Variants in KITLG observed in about 807,000 individuals in gnomAD.
KITLG encodes the protein c-Kit ligand.
Under a neutral mutation model 34.1 loss-of-function variants are expected in KITLG, and 13 were observed. The ratio of observed to expected loss-of-function variants is 0.38; its 90% CI spans 0.25 to 0.61. The LOEUF (loss-of-function observed/expected upper bound fraction) is 0.61. Ranked by LOEUF, KITLG falls within the 20% of genes least tolerant of loss-of-function variation. KITLG has a pLI of 0.60. For missense variants in KITLG, 292 were observed against 318.9 expected (o/e 0.92, Z 0.64); for synonymous variants, 110 against 104.0 (o/e 1.06, Z -0.35).
At chr12:88,518,676 T>A (rs201969714) in intron 4 of KITLG, 21 bp downstream of exon 4, 2 of 1,598,282 alleles carry the variant, frequency 1.3e-6, no homozygotes, top group African/African-American at 1.3e-5. Context: ...TGAAAAATAA[T>A]CCCAATGAAC....
intron 3 of KITLG, among the ~76,000 whole-genome samples, chr12:88,519,281 A>G (rs1369473550): frequency 6.6e-5 from 10 of 152,196 alleles, no homozygotes; most frequent in Non-Finnish European, 8.8e-5. Context: ...TAATAGGAGG[A>G]GGGACTCTTG....
chr12:88,523,043 A>G (rs573935394), intron 3 of KITLG, among the ~76,000 whole-genome samples: 1 of 152,316 alleles, frequency 6.6e-6, no homozygotes, highest in South Asian at 2.1e-4. Context: ...TGATTAATCT[A>G]AATACCAGCA....
At chr12:88,559,465 G>A (rs951745521) in intron 1 of KITLG, among the ~76,000 whole-genome samples, 2 of 152,194 alleles carry the variant, frequency 1.3e-5, no homozygotes, top group South Asian at 2.1e-4. Context: ...TGTTCTGGAA[G>A]CTCAGCTTGC....
chr12:88,515,630 C>T lies in KITLG; in HGVS notation c.521-13G>A, dbSNP rs765072216. 13 of 1,582,436 alleles carry T rather than the reference C, an allele frequency of 8.2e-6. No individual in the cohort carries two copies. The highest frequency in any genetic ancestry group is 9.5e-6 in the Non-Finnish European group (11 of 1,152,234). ...CTGACTCTGGAATCTAAATAGAAAG[C>T]AATAATGTGTCAGTGTTATATGGTG... On this transcript the variant is annotated splice_polypyrimidine_tract_variant and intron_variant, in intron 5 of 9. Coordinates refer to ENST00000644744, the MANE Select transcript of KITLG (RefSeq NM_000899.5).
At chr12:88,553,905 C>T (rs1871009342) in intron 1 of KITLG, among the ~76,000 whole-genome samples, 1 of 152,116 alleles carries the variant, frequency 6.6e-6, no homozygotes, top group African/African-American at 2.4e-5. Context: ...TTAAAGAAGT[C>T]TGGGGTGGGA....
chr12:88,522,717 C>T (rs1052495497), intron 3 of KITLG, among the ~76,000 whole-genome samples: 3 of 151,990 alleles, frequency 2.0e-5, no homozygotes, highest in Admixed American at 6.6e-5. Context: ...AGTGAGCCAC[C>T]GCGCCCACCC....
intron 7 of KITLG, 121 bp from the exon 8 acceptor site, chr12:88,506,499 T>C: frequency 2.7e-6 from 2 of 752,982 alleles, no homozygotes; most frequent in Non-Finnish European, 4.8e-6. Context: ...TTTTTCAGCA[T>C]GTAGCATGCA....
intron 3 of KITLG, among the ~76,000 whole-genome samples, chr12:88,521,565 A>T (rs1420297169): frequency 6.6e-6 from 1 of 152,150 alleles, no homozygotes; most frequent in Non-Finnish European, 1.5e-5. Context: ...TTACTCAATG[A>T]TATTCATTAG....
intron 2 of KITLG, among the ~76,000 whole-genome samples, chr12:88,534,242 T>A (rs1870218932): frequency 6.6e-6 from 1 of 152,154 alleles, no homozygotes; most frequent in African/African-American, 2.4e-5. Context: ...GAGCCTCCCT[T>A]GTCTCTTAGC....
intron 1 of KITLG, among the ~76,000 whole-genome samples, chr12:88,559,584 C>A (rs1871229851): frequency 6.6e-6 from 1 of 152,028 alleles, no homozygotes; most frequent in Non-Finnish European, 1.5e-5. Context: ...ACTATATTGT[C>A]CAAAATTAAA....
chr12:88,567,936 A>G (rs10777129), intron 1 of KITLG, among the ~76,000 whole-genome samples: 114,007 of 152,192 alleles, frequency 0.75, 47,744 homozygotes, highest in Middle Eastern at 0.93. Flanking sequence ...ATTCATGATC[A>G]TACTATACAA....
At chr12:88,534,728 T>C (rs1366018321) in intron 2 of KITLG, 2 of 512,852 alleles carry the variant, frequency 3.9e-6, no homozygotes, top group African/African-American at 1.9e-5. Context: ...TGTTCATTTA[T>C]TTTTGGCGTT....
At chr12:88,501,496 T>A (rs1868854177) in intron 9 of KITLG, among the ~76,000 whole-genome samples, 1 of 152,212 alleles carries the variant, frequency 6.6e-6, no homozygotes, top group South Asian at 2.1e-4. Context: ...TCACAGTTTG[T>A]TCTCCCAGAC....
At chr12:88,511,949 G>A (rs913609047) in intron 6 of KITLG, among the ~76,000 whole-genome samples, 5 of 152,044 alleles carry the variant, frequency 3.3e-5, no homozygotes, top group African/African-American at 9.7e-5. Context: ...CTAAAGAAAC[G>A]CTATAGAATC....
chr12:88,553,439 A>AT (rs1282436821), intron 1 of KITLG, among the ~76,000 whole-genome samples: 33 of 146,796 alleles, frequency 2.2e-4, no homozygotes, highest in Admixed American at 1.4e-3. Flanking sequence ...GTAATCATCT[A>AT]TTTTTTTTTT....
intron 3 of KITLG, among the ~76,000 whole-genome samples, chr12:88,524,765 A>G (rs560223910): frequency 3.3e-5 from 5 of 152,338 alleles, no homozygotes; most frequent in African/African-American, 1.2e-4. Flanking sequence ...TACTTAAAAT[A>G]GCATTTAATG....
rs1868568579 is a variant in KITLG, at chr12:88,494,897, A to G, written c.*2322T>C. The G allele has an allele frequency of 6.6e-6, 1 of 152,054 alleles. No homozygotes were observed. The allele number at this position is 152,054 out of a possible 1,614,324, so 9.4% of individuals were successfully genotyped here. ...GGATAAAATAAGCAAAGATAAATAT[A>G]TATTTTCATCTCAAAGCAGAAATAA... On this transcript the variant is annotated 3_prime_UTR_variant, in exon 10 of 10. Coordinates refer to ENST00000644744, the MANE Select transcript of KITLG (RefSeq NM_000899.5).
chr12:88,528,213 T>C (rs1257247044), intron 3 of KITLG, among the ~76,000 whole-genome samples: 2 of 152,206 alleles, frequency 1.3e-5, no homozygotes, highest in Non-Finnish European at 2.9e-5. Flanking sequence ...CTTCCATCTT[T>C]GAAGCCAGCA....
intron 1 of KITLG, among the ~76,000 whole-genome samples, chr12:88,570,081 T>C (rs982676498): frequency 1.3e-5 from 2 of 152,218 alleles, no homozygotes; most frequent in African/African-American, 4.8e-5. Context: ...ATAAAAGTAC[T>C]TTCTGAAGTA....
Sources: allele counts gnomAD v4.1 joint callset (sites outside exome capture counted in the v4.1 genomes callset), GRCh38; gene constraint gnomAD v4.1.1; transcripts MANE v1.5; gene names NCBI Gene and HGNC (gene_info 2026-07-23, HGNC 2026-07-21).